The following ZMYM2 variants were observed in gnomAD, a reference collection of about 807,000 sequenced individuals.
The protein encoded by ZMYM2 is zinc finger MYM-type protein 2.
ZMYM2 carries 56 observed loss-of-function variants against 162.8 expected under a neutral mutation model. The observed-to-expected ratio is 0.34, with a 90% confidence interval of 0.28 to 0.43. The LOEUF (loss-of-function observed/expected upper bound fraction) is 0.43, where lower values mean the gene tolerates loss of function less well. Ranked by LOEUF, ZMYM2 falls within the 20% of genes least tolerant of loss-of-function variation. ZMYM2 has a pLI of 1.00. For missense variants in ZMYM2, 1,275 were observed against 1,621.8 expected, an observed-to-expected ratio of 0.79 and a Z score of 3.67; for synonymous variants, 510 against 541.6, an observed-to-expected ratio of 0.94 and a Z score of 0.81.
intron 2 of ZMYM2, among the ~76,000 whole-genome samples, chr13:19,969,376 T>C (rs1434767269): frequency 6.6e-6 from 1 of 152,250 alleles, no homozygotes; most frequent in East Asian, 1.9e-4. Context: ...GTACAAACTT[T>C]GCATGTGCCA....
chr13:20,074,416 TG>T (rs1352845429), intron 21 of ZMYM2, among the ~76,000 whole-genome samples: 1 of 151,974 alleles, frequency 6.6e-6, no homozygotes, highest in Admixed American at 6.6e-5. Flanking sequence ...CTCTATTTTT[TG>T]TAGAGATGGG....
the ZMYM2 span, among the ~76,000 whole-genome samples, chr13:19,909,444 T>G: frequency 1.3e-5 from 2 of 148,784 alleles, no homozygotes; most frequent in East Asian, 4.0e-4. Context: ...TTTTTTTTTT[T>G]TTTTGAGACA....
At chr13:19,966,020 C>A (rs919483159) in intron 2 of ZMYM2, among the ~76,000 whole-genome samples, 9 of 152,004 alleles carry the variant, frequency 5.9e-5, no homozygotes, top group Admixed American at 2.0e-4. Context: ...CTCAGGTGAT[C>A]CACCTGCCTG....
intron 12 of ZMYM2, among the ~76,000 whole-genome samples, chr13:20,043,847 G>A (rs567355405): frequency 6.6e-6 from 1 of 152,222 alleles, no homozygotes. Flanking sequence ...AGGGGAAGCT[G>A]CAGTGTGGGG....
At chr13:19,958,317 CG>C (rs1956879237), upstream of ZMYM2, among the ~76,000 whole-genome samples, 2 of 152,148 alleles carry the variant, frequency 1.3e-5, no homozygotes, top group Admixed American at 1.3e-4. Flanking sequence ...GCGGCCTGGG[CG>C]CCCGGGCTCG....
intron 12 of ZMYM2, among the ~76,000 whole-genome samples, chr13:20,049,267 GA>G (rs919663611): frequency 5.3e-5 from 8 of 151,840 alleles, no homozygotes; most frequent in Admixed American, 5.2e-4. Context: ...TGGGTAGAGG[GA>G]AATTATCTAA....
the ZMYM2 span, among the ~76,000 whole-genome samples, chr13:19,871,251 T>G: frequency 3.8e-4 from 57 of 151,924 alleles, no homozygotes; most frequent in Non-Finnish European, 7.2e-4. Context: ...AGTAAAGAGA[T>G]AAAAAATGTA....
chr13:20,063,170 C>T lies in ZMYM2; in HGVS notation c.3037+199C>T, dbSNP rs118189197. ...AAAAACCCACCTTAACAGTTAACTT[C>T]TGGAATGAGATCACTTGAGTCCAGG... On this transcript the variant is annotated intron_variant, in intron 18 of 24. Transcript: ENST00000610343. 2.7e-3 allele frequency among the ~76,000 whole-genome samples: 411 copies of T among 151,852 alleles called. 1 individual carries two copies. Among genetic ancestry groups the T allele is most frequent in the Middle Eastern group, 0.014 (4 of 294 alleles).
In ZMYM2 at chr13:20,019,547, G is replaced by C. The variant is rs1291958709; in HGVS notation, c.1513G>C (p.Val505Leu). The change falls in exon 7 of 25, where the codon GTA (valine) becomes CTA (leucine). Residue 505 changes from valine to leucine, a missense_variant and splice_region_variant. Transcript: ENST00000610343. ...CQSCVSEYKQ[V>L]GSHPSFLKEV... ...AAAGTCTTTTAAAATCTTTTTTTAG[G>C]TAGGTAGCCATCCAAGCTTCCTGAA... is the stretch of plus-strand genomic sequence containing the variant. 3 of 1,579,710 alleles carry C rather than the reference G, an allele frequency of 1.9e-6. No homozygotes were observed. Among genetic ancestry groups the C allele is most frequent in the Non-Finnish European group, 2.6e-6 (3 of 1,162,316 alleles).
chr13:19,884,550 G>A, the ZMYM2 span, among the ~76,000 whole-genome samples: 3 of 151,912 alleles, frequency 2.0e-5, no homozygotes, highest in Admixed American at 6.6e-5. Flanking sequence ...TCCAGCCCGG[G>A]CAACAGAGAA....
At chr13:19,904,259 A>T in the ZMYM2 span, among the ~76,000 whole-genome samples, 6 of 152,012 alleles carry the variant, frequency 3.9e-5, no homozygotes, top group Non-Finnish European at 7.4e-5. Flanking sequence ...CTGGTTTTTT[A>T]AAAAATAATA....
the ZMYM2 span, among the ~76,000 whole-genome samples, chr13:19,890,796 C>A: frequency 1.3e-5 from 2 of 150,904 alleles, no homozygotes; most frequent in Non-Finnish European, 2.9e-5. Context: ...GTCGTGAACC[C>A]GAGAGGCGGA....
chr13:20,017,418 G>A (rs1416863373), intron 6 of ZMYM2, among the ~76,000 whole-genome samples: 1 of 152,074 alleles, frequency 6.6e-6, no homozygotes. Context: ...CTTTGTCTTT[G>A]GTTTTCAGAA....
chr13:20,060,076 G>C (rs191330378), intron 16 of ZMYM2, among the ~76,000 whole-genome samples: 7 of 152,268 alleles, frequency 4.6e-5, no homozygotes, highest in Admixed American at 2.6e-4. Flanking sequence ...TGTGAAATCT[G>C]TGTAGAAGGC....
intron 6 of ZMYM2, among the ~76,000 whole-genome samples, chr13:20,018,326 CA>C (rs1271149347): frequency 2.0e-5 from 3 of 152,054 alleles, no homozygotes; most frequent in African/African-American, 7.3e-5. Flanking sequence ...GTTCATAATT[CA>C]TTAGTTAAAT....
chr13:20,064,385 TGTTG>T, intron 18 of ZMYM2, 62 bp from the exon 19 acceptor site: 2 of 1,411,370 alleles, frequency 1.4e-6, no homozygotes, highest in South Asian at 2.6e-5. Context: ...GTTAGTTCTT[TGTTG>T]GCTGTGTTTA....
chr13:20,082,231 T>A (rs1001290037), intron 22 of ZMYM2, 101 bp downstream of exon 22: 17 of 892,398 alleles, frequency 1.9e-5, no homozygotes, highest in Non-Finnish European at 2.9e-5. Context: ...TTAAATTAGA[T>A]AACATTTTCT....
At chr13:19,885,753 A>G in the ZMYM2 span, among the ~76,000 whole-genome samples, 12 of 151,172 alleles carry the variant, frequency 7.9e-5, no homozygotes, top group African/African-American at 2.7e-4. Context: ...AGGCTGAGGC[A>G]GGAGAATCTC....
chr13:19,885,947 A>ATGTGTG, the ZMYM2 span, among the ~76,000 whole-genome samples: 7 of 20,872 alleles, frequency 3.4e-4, 1 homozygote, highest in Non-Finnish European at 6.2e-4. Context: ...ATATATATGT[A>ATGTGTG]TATACACATA....
Sources: gnomAD v4.1 joint callset for allele counts (sites outside exome capture counted in the v4.1 genomes callset) on GRCh38, gnomAD v4.1.1 for gene constraint, MANE v1.5 for transcripts, NCBI Gene and HGNC (gene_info 2026-07-23, HGNC 2026-07-21) for gene names.